Variants in FAM200B observed in about 807,000 individuals in gnomAD.
FAM200B encodes the protein protein FAM200B.
FAM200B carries 32 observed loss-of-function variants against 33.1 expected under a neutral mutation model. The observed-to-expected ratio is 0.97, with a 90% CI of 0.73 to 1.30. The LOEUF is 1.30. FAM200B is among the 50% of genes most tolerant of loss of function. The pLI is 0.00. For missense variants in FAM200B, 741 were observed against 754.0 expected (o/e 0.98, Z 0.20); for synonymous variants, 240 against 264.8 (o/e 0.91, Z 0.91).
the FAM200B span, among the ~76,000 whole-genome samples, chr4:15,642,456 G>A: frequency 2.0e-5 from 3 of 151,794 alleles, no homozygotes; most frequent in African/African-American, 4.8e-5. Flanking sequence ...GGCTGGTCTC[G>A]AACTCCTGAC....
At chr4:15,667,754 C>T in the FAM200B span, among the ~76,000 whole-genome samples, 1 of 152,014 alleles carries the variant, frequency 6.6e-6, no homozygotes, top group African/African-American at 2.4e-5. Context: ...ATTTGACTTC[C>T]TGGTATAAGA....
the FAM200B span, among the ~76,000 whole-genome samples, chr4:15,646,401 G>T: frequency 6.9e-6 from 1 of 145,186 alleles, no homozygotes; most frequent in Admixed American, 6.9e-5. Flanking sequence ...TGCCCCACAA[G>T]ATTACAATAA....
At chr4:15,654,495 G>GAAAT in the FAM200B span, among the ~76,000 whole-genome samples, 17 of 152,174 alleles carry the variant, frequency 1.1e-4, no homozygotes, top group African/African-American at 4.1e-4. Context: ...CTCATATAAA[G>GAAAT]AAATCCAAGA....
In FAM200B at chr4:15,688,063, T is replaced by C. The variant is rs1174763545; in HGVS notation, c.1086T>C (p.Asn362=). 6.4e-7 allele frequency: 1 copy of C among 1,551,258 alleles called. No individual in the cohort carries two copies. The change falls in exon 2 of 2, where the codon AAT becomes AAC. Residue 362 remains asparagine, a synonymous_variant. Transcript: ENST00000422728. ...ATTTTATTAAAGGAAGCTCATTGAA[T>C]AGCCGGCTTCTTGAAACATTTTGTT... ...VVNFIKGSSL[N]SRLLETFCSE... is the part of the protein sequence containing the mutation.
chr4:15,672,204 A>G, the FAM200B span, among the ~76,000 whole-genome samples: 1 of 152,222 alleles, frequency 6.6e-6, no homozygotes, highest in Non-Finnish European at 1.5e-5. Flanking sequence ...ATGGTTTCCC[A>G]CAGCTGAGGC....
the FAM200B span, chr4:15,640,768 G>C: frequency 7.4e-7 from 1 of 1,351,382 alleles, no homozygotes; most frequent in African/African-American, 1.7e-5. Context: ...TCTAAATCAC[G>C]AAAGAAAAAT....
At chr4:15,664,113 T>C in the FAM200B span, among the ~76,000 whole-genome samples, 1 of 152,230 alleles carries the variant, frequency 6.6e-6, no homozygotes, top group Non-Finnish European at 1.5e-5. Context: ...TCTATCTTTT[T>C]AGGTAACACA....
the FAM200B span, among the ~76,000 whole-genome samples, chr4:15,662,679 T>C: frequency 6.6e-6 from 1 of 152,218 alleles, no homozygotes; most frequent in African/African-American, 2.4e-5. Flanking sequence ...TTTTTTTCAA[T>C]ATCATTCTAG....
At chr4:15,672,724 C>A in the FAM200B span, among the ~76,000 whole-genome samples, 1 of 152,158 alleles carries the variant, frequency 6.6e-6, no homozygotes, top group Non-Finnish European at 1.5e-5. Context: ...ACACTGCACA[C>A]TTAGGCTTAA....
Position 15,688,638 on chromosome 4 carries a change from T to G in FAM200B, c.1661T>G (p.Leu554Trp). The G allele has an allele frequency of 1.3e-6, 2 of 1,551,312 alleles. No individual in the cohort carries two copies. The highest frequency in any genetic ancestry group is 1.7e-6 in the Non-Finnish European group (2 of 1,146,684). The change falls in exon 2 of 2, where the codon TTG becomes TGG. Residue 554 changes from leucine (L) to tryptophan (W), a missense_variant. Coordinates refer to ENST00000422728, the MANE Select transcript of FAM200B (RefSeq NM_001145191.2). ...RHPESIIELN[L>W]VPEEENELLQ... is the part of the protein sequence containing the mutation. ...CCTGAATCAATAATTGAGCTAAACTTGGTGCCTGAAGAAGAGAATGAATTA... is the reference window on the plus strand; with the variant it reads ...CCTGAATCAATAATTGAGCTAAACTGGGTGCCTGAAGAAGAGAATGAATTA...
the FAM200B span, among the ~76,000 whole-genome samples, chr4:15,670,644 C>G: frequency 2.0e-5 from 3 of 152,020 alleles, no homozygotes; most frequent in Admixed American, 6.6e-5. Context: ...CCCCTCCCCC[C>G]ACAAAAGAAA....
At chr4:15,667,266 T>A in the FAM200B span, among the ~76,000 whole-genome samples, 1 of 152,210 alleles carries the variant, frequency 6.6e-6, no homozygotes, top group East Asian at 1.9e-4. Flanking sequence ...TGAGAAAACA[T>A]GTACAAGTAC....
chr4:15,645,723 G>A, the FAM200B span, among the ~76,000 whole-genome samples: 14 of 152,046 alleles, frequency 9.2e-5, no homozygotes, highest in South Asian at 2.1e-4. Context: ...TACCACGCCC[G>A]GCCTACTTTT....
the FAM200B span, chr4:15,640,669 C>T: frequency 1.7e-5 from 8 of 474,590 alleles, no homozygotes; most frequent in Admixed American, 3.9e-5. Context: ...AAAAGAACTG[C>T]GTTCTTCTCT....
the FAM200B span, among the ~76,000 whole-genome samples, chr4:15,661,404 C>T: frequency 2.0e-5 from 3 of 152,136 alleles, no homozygotes; most frequent in African/African-American, 7.2e-5. Flanking sequence ...TTAGCAGAGC[C>T]TGGCATGGGA....
the FAM200B span, among the ~76,000 whole-genome samples, chr4:15,650,598 C>G: frequency 6.6e-6 from 1 of 151,048 alleles, no homozygotes; most frequent in African/African-American, 2.4e-5. Flanking sequence ...TAAAAGGACG[C>G]ACATAATTAA....
At chr4:15,660,714 A>C in the FAM200B span, among the ~76,000 whole-genome samples, 14 of 152,270 alleles carry the variant, frequency 9.2e-5, 1 homozygote, top group Admixed American at 8.5e-4. Context: ...AATCTACAAC[A>C]TGTGTAAAAA....
At chr4:15,683,295 C>G (rs765268609) in intron 1 of FAM200B, among the ~76,000 whole-genome samples, 1 of 151,466 alleles carries the variant, frequency 6.6e-6, no homozygotes, top group Non-Finnish European at 1.5e-5. Flanking sequence ...ACCTCACATC[C>G]TATTGAGTTA....
the FAM200B span, among the ~76,000 whole-genome samples, chr4:15,640,261 T>G: frequency 6.6e-6 from 1 of 151,938 alleles, no homozygotes; most frequent in Non-Finnish European, 1.5e-5. Context: ...AGGCTGGTCT[T>G]GAACTCGTGA....
Sources: allele counts gnomAD v4.1 joint callset (sites outside exome capture counted in the v4.1 genomes callset), GRCh38; gene constraint gnomAD v4.1.1; transcripts MANE v1.5; gene names NCBI Gene and HGNC (gene_info 2026-07-23, HGNC 2026-07-21).